Variants in PDE1A observed in about 807,000 individuals in gnomAD.
PDE1A encodes the protein dual specificity calcium/calmodulin-dependent 3',5'-cyclic nucleotide phosphodiesterase 1A.
Under a neutral mutation model 61.7 loss-of-function variants are expected in PDE1A, and 35 were observed. The ratio of observed to expected loss-of-function variants is 0.57; its 90% confidence interval spans 0.43 to 0.75. The LOEUF is 0.75. PDE1A is among the 30% of genes least tolerant of loss of function. The pLI is 0.00. For missense variants in PDE1A, 597 were observed against 630.6 expected (o/e 0.95, Z 0.57); for synonymous variants, 232 against 213.2 (o/e 1.09, Z -0.77).
At chr2:182,573,258 G>A in the PDE1A span, among the ~76,000 whole-genome samples, 2 of 152,146 alleles carry the variant, frequency 1.3e-5, no homozygotes, top group South Asian at 4.1e-4. Flanking sequence ...ACTGTTGGGT[G>A]TAAAATATAA....
intron 7 of PDE1A, among the ~76,000 whole-genome samples, chr2:182,220,864 G>A (rs1559210409): frequency 6.6e-6 from 1 of 151,518 alleles, no homozygotes; most frequent in Non-Finnish European, 1.5e-5. Flanking sequence ...ATTTCATCTT[G>A]GATGAAGGCA....
intron 2 of PDE1A, among the ~76,000 whole-genome samples, chr2:182,259,863 G>A (rs1349845816): frequency 6.6e-6 from 1 of 152,164 alleles, no homozygotes; most frequent in Non-Finnish European, 1.5e-5. Context: ...TCCAAATAAG[G>A]ACAATCGAAC....
Position 182,235,315 on chromosome 2 carries a change from T to C in PDE1A, c.351-817A>G, listed in dbSNP as rs149345973. Among the ~76,000 whole-genome samples the C allele has an allele frequency of 5.2e-4, 79 of 152,286 alleles. No homozygotes were observed. In the East Asian group the frequency reaches 0.014, roughly 27 times the overall value. On this transcript the variant is annotated intron_variant, in intron 3 of 13. Transcript: ENST00000351439. ...TGCGCCACCATGCCCAACTAATTTT[T>C]GTATTTTCAGTAGAGACAGGGTTTC...
intron 1 of PDE1A, among the ~76,000 whole-genome samples, chr2:182,299,849 G>C (rs186577539): frequency 1.4e-4 from 22 of 152,258 alleles, no homozygotes; most frequent in African/African-American, 5.3e-4. Flanking sequence ...ATAGTCTGAA[G>C]GGACCTTGAT....
chr2:182,665,985 A>G, the PDE1A span, among the ~76,000 whole-genome samples: 1 of 152,264 alleles, frequency 6.6e-6, no homozygotes, highest in East Asian at 1.9e-4. Context: ...GAAACACCCC[A>G]TGTTCTCACT....
At chr2:182,394,958 T>C (rs893027758) in intron 1 of PDE1A, among the ~76,000 whole-genome samples, 2 of 152,176 alleles carry the variant, frequency 1.3e-5, no homozygotes, top group Admixed American at 6.5e-5. Flanking sequence ...GTGATTTCCA[T>C]AACATCCATA....
At chr2:182,169,328 T>C (rs1234024898) in intron 13 of PDE1A, among the ~76,000 whole-genome samples, 1 of 152,118 alleles carries the variant, frequency 6.6e-6, no homozygotes, top group Admixed American at 6.6e-5. Context: ...CTGAAAGTTA[T>C]ACCATAAGAA....
At position 182,227,219 on chromosome 2, in the gene PDE1A, A is replaced by G. The variant is rs181806097; in HGVS notation, c.675+2787T>C. On this transcript the variant is annotated intron_variant, in intron 6 of 13. Coordinates refer to ENST00000351439, the Ensembl canonical transcript of PDE1A. ...AGTAGGATTTCTAGCTAATTTTAGT[A>G]TATGAATGGGTAGAAGCTAATAGAG... Among the ~76,000 whole-genome samples, 447 of 152,196 alleles carry G rather than the reference A, an allele frequency of 2.9e-3. 2 individuals are homozygous for G. Among genetic ancestry groups the G allele is most frequent in the African/African-American group, 0.01 (427 of 41,566 alleles).
intron 2 of PDE1A, among the ~76,000 whole-genome samples, chr2:182,242,626 A>C (rs1690607663): frequency 6.6e-6 from 1 of 152,224 alleles, no homozygotes; most frequent in African/African-American, 2.4e-5. Context: ...CTTTGAATAA[A>C]GCAGATTACC....
intron 2 of PDE1A, among the ~76,000 whole-genome samples, chr2:182,515,710 G>A (rs1390835435): frequency 6.6e-6 from 1 of 152,134 alleles, no homozygotes; most frequent in Non-Finnish European, 1.5e-5. Flanking sequence ...GTCACATACT[G>A]AACAACATAC....
At chr2:182,190,952 T>TC (rs1252477407) in intron 10 of PDE1A, among the ~76,000 whole-genome samples, 7 of 148,372 alleles carry the variant, frequency 4.7e-5, no homozygotes, top group African/African-American at 7.5e-5. Context: ...CAAGACTCCA[T>TC]CCCCCCAAAA....
intron 1 of PDE1A, among the ~76,000 whole-genome samples, chr2:182,425,525 G>T (rs951422077): frequency 6.6e-6 from 1 of 152,014 alleles, no homozygotes; most frequent in Non-Finnish European, 1.5e-5. Flanking sequence ...ACAGATTCAA[G>T]CTAACATCTT....
chr2:182,165,818 T>A (rs1260856155), downstream of PDE1A, among the ~76,000 whole-genome samples: 2 of 152,244 alleles, frequency 1.3e-5, no homozygotes, highest in African/African-American at 4.8e-5. Context: ...TTTGTATGTA[T>A]ATTAACATGT....
chr2:182,714,583 CAAGACAGAGTCTTGCTCTG>C, the PDE1A span, among the ~76,000 whole-genome samples: 5 of 151,350 alleles, frequency 3.3e-5, no homozygotes, highest in Non-Finnish European at 7.4e-5. Context: ...TTTTTTCCCC[CAAGACAGAGTCTTGCTCTG>C]TACCCAGGCT....
chr2:182,211,511 T>G (rs1687598882), intron 7 of PDE1A, among the ~76,000 whole-genome samples: 1 of 152,188 alleles, frequency 6.6e-6, no homozygotes, highest in Admixed American at 6.5e-5. Flanking sequence ...GTCTTTTGCC[T>G]CTCCATACAA....
chr2:182,615,465 C>T, the PDE1A span, among the ~76,000 whole-genome samples: 4 of 152,018 alleles, frequency 2.6e-5, no homozygotes, highest in African/African-American at 9.7e-5. Flanking sequence ...TTAGGAAAAA[C>T]CCAGAAACAA....
the PDE1A span, among the ~76,000 whole-genome samples, chr2:182,706,202 C>T: frequency 6.6e-6 from 1 of 152,188 alleles, no homozygotes; most frequent in African/African-American, 2.4e-5. Context: ...CTCTTAGCGG[C>T]TACTCCCTTC....
exon 15 of PDE1A, chr2:182,141,565 T>C (rs988552378): frequency 3.9e-5 from 6 of 152,214 alleles, no homozygotes; most frequent in African/African-American, 1.4e-4. Flanking sequence ...TTATACAGCC[T>C]ACATCCAAAT....
chr2:182,561,619 G>A, the PDE1A span, among the ~76,000 whole-genome samples: 2 of 152,172 alleles, frequency 1.3e-5, no homozygotes, highest in Non-Finnish European at 2.9e-5. Context: ...TGATGGGAAT[G>A]CTATTGAATC....
Sources: gnomAD v4.1 joint callset for allele counts (sites outside exome capture counted in the v4.1 genomes callset) on GRCh38, gnomAD v4.1.1 for gene constraint, MANE v1.5 for transcripts, NCBI Gene and HGNC (gene_info 2026-07-23, HGNC 2026-07-21) for gene names.